Variants in TNN observed in about 807,000 individuals in gnomAD.
TNN encodes the protein tenascin-N.
TNN carries 122 observed loss-of-function variants against 134.4 expected under a neutral mutation model. The ratio of observed to expected loss-of-function variants is 0.91; its 90% CI spans 0.78 to 1.06. The LOEUF (loss-of-function observed/expected upper bound fraction) is 1.06, where lower values mean the gene tolerates loss of function less well. Ranked by LOEUF, TNN falls within the 50% of genes least tolerant of loss-of-function variation. The probability of loss-of-function intolerance (pLI) is 0.00; values close to 1 mark genes in which losing one functional copy is unlikely to be tolerated. For synonymous variants in TNN, 710 were observed against 670.3 expected (o/e 1.06, Z -0.91); for missense variants, 1,739 against 1,699.4 (o/e 1.02, Z -0.41).
chr1:175,108,148 G>A (rs569253517), intron 9 of TNN, among the ~76,000 whole-genome samples: 1,627 of 147,880 alleles, frequency 0.011, 26 homozygotes, highest in African/African-American at 0.038. Flanking sequence ...AGCTAGATAC[G>A]GAGTGTTGAT....
chr1:175,130,816 C>A (rs1675657428), intron 15 of TNN, among the ~76,000 whole-genome samples: 1 of 152,172 alleles, frequency 6.6e-6, no homozygotes, highest in Non-Finnish European at 1.5e-5. Flanking sequence ...ATGCAAATGA[C>A]CCCTCCTCAA....
rs761592638 is a variant in TNN at position 175,080,244 on chromosome 1, A to T, written c.866A>T (p.Asp289Val). The T allele has an allele frequency of 1.2e-6, 2 of 1,614,076 alleles. No homozygotes were observed. Among genetic ancestry groups the T allele is most frequent in the South Asian group, 2.2e-5 (2 of 91,068 alleles). ...AGCTGGGAGCCCTCCAGCCAGGTGG[A>T]TCACTACCTCCTCAGCTACTACCCC... ...LVSWEPSSQV[D>V]HYLLSYYPLG... Residue 289 changes from aspartate (D) to valine (V), a missense_variant, in exon 4 of 19, where the codon GAT becomes GTT. By Grantham distance (152) the Asp-to-Val change is radical. Transcript: ENST00000239462.
At chr1:175,068,445 A>G (rs1433713498) in intron 1 of TNN, among the ~76,000 whole-genome samples, 2 of 152,180 alleles carry the variant, frequency 1.3e-5, no homozygotes, top group African/African-American at 4.8e-5. Context: ...TTTTGTGTGA[A>G]TCAGTTAAGG....
Position 175,117,125 on chromosome 1 carries a change from C to CG in TNN, c.2309dup (p.Val771CysfsTer20). The CG allele has an allele frequency of 6.2e-7, 1 of 1,614,222 alleles. No individual in the cohort carries two copies. Among genetic ancestry groups the CG allele is most frequent in the Non-Finnish European group, 8.5e-7 (1 of 1,180,042 alleles). ...AGCACTGTCCTGACGGGCCTGAGGC[C>CG]GGGTGTGGAGTACACGGTGCACGTG... On this transcript the variant is annotated frameshift_variant, in exon 10 of 19. Coordinates refer to ENST00000239462, the MANE Select transcript of TNN (RefSeq NM_022093.2). LOFTEE classifies it high-confidence loss of function.
rs191816584 is a variant in TNN at position 175,072,957 on chromosome 1, G to A, written c.-35-4427G>A. On this transcript the variant is annotated intron_variant, in intron 1 of 18. Transcript: ENST00000239462. Reference sequence around the variant, plus strand: ...TTTTTTTTTTTTTTTTTTTGCTTTCGTTGAGAACTTCTTCAGAAAACCATC... The same window carrying A: ...TTTTTTTTTTTTTTTTTTTGCTTTCATTGAGAACTTCTTCAGAAAACCATC... Among the ~76,000 whole-genome samples the A allele has an allele frequency of 2.3e-4, 16 of 68,676 alleles. No homozygotes were observed. The East Asian group carries it at 3.6e-3, about 15-fold the overall frequency. The allele number at this position is 68,676 out of a possible 152,430, so 45.1% of individuals were successfully genotyped here.
At chr1:175,098,206 C>T in intron 8 of TNN, 126 bp from the exon 9 acceptor site, 1 of 1,376,738 alleles carries the variant, frequency 7.3e-7, no homozygotes, top group Admixed American at 2.1e-5. Context: ...CCAGCGGAGA[C>T]TCAGGATGAG....
intron 6 of TNN, among the ~76,000 whole-genome samples, chr1:175,092,609 A>G (rs907248760): frequency 1.3e-5 from 2 of 152,214 alleles, no homozygotes; most frequent in African/African-American, 4.8e-5. Context: ...TGCTTAGGAC[A>G]TAGACATATA....
chr1:175,116,739 C>T (rs1675187656), intron 9 of TNN, among the ~76,000 whole-genome samples, 200 bp from the exon 10 acceptor site: 1 of 152,192 alleles, frequency 6.6e-6, no homozygotes, highest in Non-Finnish European at 1.5e-5. Context: ...GTTCTCATAC[C>T]ACTCTCCTGT....
At chr1:175,145,577 C>CAAAAAAAAAAAAAAAAA (rs1161118570) in intron 18 of TNN, among the ~76,000 whole-genome samples, 1 of 34,790 alleles carries the variant, frequency 2.9e-5, no homozygotes, top group African/African-American at 9.4e-5. Context: ...AAAAAAAAAG[C>CAAAAAAAAAAAAAAAAA]TGTCTCAAGT....
At chr1:175,125,558 TTC>T (rs1197321590) in intron 12 of TNN, among the ~76,000 whole-genome samples, 1 of 146,344 alleles carries the variant, frequency 6.8e-6, no homozygotes, top group African/African-American at 2.5e-5. Flanking sequence ...TCTTCCTTTC[TTC>T]TCTTTTCCTT....
intron 16 of TNN, 53 bp downstream of exon 16, chr1:175,135,994 G>A: frequency 1.5e-6 from 2 of 1,352,758 alleles, no homozygotes; most frequent in Non-Finnish European, 2.1e-6. Flanking sequence ...TTTCTCCCAG[G>A]ACAAGCTAGC....
At position 175,077,653 on chromosome 1, in the gene TNN, A is replaced by T. The variant is rs2072032; in HGVS notation, c.235A>T (p.Arg79Trp). 1 of 1,613,826 alleles carries T rather than the reference A, an allele frequency of 6.2e-7. No homozygotes were observed. Among genetic ancestry groups the T allele is most frequent in the Non-Finnish European group, 8.5e-7 (1 of 1,179,946 alleles). ...TTCGCTCTTGGCCCTGGGGGAGGCC[A>T]GGGAGGAACAGAACATCATCTTCAG... The part of the protein sequence containing the change: ...GASLLALGEA[R>W]EEQNIIFRHN... Residue 79 changes from arginine to tryptophan, a missense_variant, in exon 2 of 19, where the codon AGG becomes TGG. Transcript: ENST00000239462.
At chr1:175,127,110 C>A (rs1413168619) in intron 13 of TNN, 25 bp downstream of exon 13, 7 of 1,607,510 alleles carry the variant, frequency 4.4e-6, no homozygotes, top group Admixed American at 1.7e-5. Context: ...TGTCTTTTCT[C>A]CTGGTGCCTT....
intron 11 of TNN, 69 bp from the exon 12 acceptor site, chr1:175,123,331 G>A: frequency 3.9e-6 from 6 of 1,532,862 alleles, no homozygotes; most frequent in Non-Finnish European, 5.3e-6. Context: ...AGCTCCTGGT[G>A]ATGAGGTGGT....
In TNN at chr1:175,111,683, T is replaced by C. The variant is rs1328131508; in HGVS notation, c.2120-5256T>C. Among the ~76,000 whole-genome samples, 4 of 152,146 alleles carry C rather than the reference T, an allele frequency of 2.6e-5. No individual in the cohort carries two copies. The East Asian group carries it at 7.7e-4, about 29-fold the overall frequency. ...TTCAATTTCTTTCATCAGTGTTTTA[T>C]GGTTTTTCCTTGCAGCGATCTTTCA... is the stretch of plus-strand genomic sequence containing the variant. On this transcript the variant is annotated intron_variant, in intron 9 of 18. Coordinates refer to ENST00000239462, the MANE Select transcript of TNN (RefSeq NM_022093.2).
At position 175,123,470 on chromosome 1, in the gene TNN, G is replaced by A. The variant is rs141014433; in HGVS notation, c.2721G>A (p.Pro907=). Residue 907 remains proline, a synonymous_variant, in exon 12 of 19, where the codon CCG becomes CCA. Coordinates refer to ENST00000239462, the MANE Select transcript of TNN (RefSeq NM_022093.2). The part of the protein sequence containing the change: ...TENMATVSWD[P]VQATIDKYMV... ...ATATGGCCACTGTCTCCTGGGACCC[G>A]GTTCAGGCCACCATTGACAAGTACA... 3.7e-5 allele frequency: 60 copies of A among 1,614,168 alleles called. No homozygotes were observed. The highest frequency in any genetic ancestry group is 1.9e-4 in the African/African-American group (14 of 75,036).
rs76836766 is a variant in TNN at position 175,127,176 on chromosome 1, G to T, written c.3045+91G>T. ...AATCAGCTCATTTGCTGGCCTCACG[G>T]CAACTTGCTGATCTTTACTGATCAC... On this transcript the variant is annotated intron_variant, in intron 13 of 18. Transcript: ENST00000239462. 2,384 of 1,487,564 alleles carry T rather than the reference G, an allele frequency of 1.6e-3. 28 individuals carry two copies. In the African/African-American group the frequency reaches 0.03, roughly 19 times the overall value. The allele number at this position is 1,487,564 out of a possible 1,614,324, so 92.1% of individuals were successfully genotyped here.
intron 9 of TNN, among the ~76,000 whole-genome samples, chr1:175,108,753 T>C (rs1267539267): frequency 1.3e-5 from 2 of 151,252 alleles, no homozygotes; most frequent in Admixed American, 1.3e-4. Context: ...CTGCTCTGAG[T>C]GCGGGGCCCT....
At chr1:175,110,987 C>T (rs1675005845) in intron 9 of TNN, among the ~76,000 whole-genome samples, 1 of 151,010 alleles carries the variant, frequency 6.6e-6, no homozygotes. Flanking sequence ...CCAGCCTGGC[C>T]AACATGGTGA....
Sources: allele counts gnomAD v4.1 joint callset (sites outside exome capture counted in the v4.1 genomes callset), GRCh38; gene constraint gnomAD v4.1.1; transcripts MANE v1.5; gene names NCBI Gene and HGNC (gene_info 2026-07-23, HGNC 2026-07-21).